Variants in RBFOX1 observed in about 807,000 individuals in gnomAD.
The protein encoded by RBFOX1 is RNA binding protein fox-1 homolog 1.
Under a neutral mutation model 57.7 loss-of-function variants are expected in RBFOX1, and 8 were observed. That is an observed-to-expected ratio of 0.14 (90% confidence interval 0.08 to 0.25). The LOEUF is 0.25. Ranked by LOEUF, RBFOX1 falls within the 10% of genes least tolerant of loss-of-function variation. The pLI is 1.00. For synonymous variants in RBFOX1, 326 were observed against 222.4 expected (o/e 1.47, Z -4.15); for missense variants, 611 against 548.5 (o/e 1.11, Z -1.14).
intron 4 of RBFOX1, among the ~76,000 whole-genome samples, chr16:7,097,889 G>C (rs1230675899): frequency 6.6e-6 from 1 of 152,184 alleles, no homozygotes; most frequent in African/African-American, 2.4e-5. Flanking sequence ...ATAAATCATA[G>C]TGCCTCACAC....
At chr16:6,354,126 G>C (rs984565131) in intron 2 of RBFOX1, among the ~76,000 whole-genome samples, 1 of 151,978 alleles carries the variant, frequency 6.6e-6, no homozygotes, top group Non-Finnish European at 1.5e-5. Flanking sequence ...AGGCTGAGGT[G>C]GGAGGATCGC....
chr16:6,642,058 G>C (rs1388313258), intron 2 of RBFOX1, among the ~76,000 whole-genome samples: 1 of 152,198 alleles, frequency 6.6e-6, no homozygotes, highest in Non-Finnish European at 1.5e-5. Flanking sequence ...TTTGCATGCT[G>C]TCTGAGGGTG....
At chr16:6,882,632 C>CTTT in intron 3 of RBFOX1, among the ~76,000 whole-genome samples, 1 of 152,084 alleles carries the variant, frequency 6.6e-6, no homozygotes, top group Non-Finnish European at 1.5e-5. Flanking sequence ...ATCATGTTTG[C>CTTT]AGAGTCCTCA....
At chr16:6,135,216 A>G (rs186349190) in intron 1 of RBFOX1, among the ~76,000 whole-genome samples, 7 of 152,346 alleles carry the variant, frequency 4.6e-5, no homozygotes, top group Admixed American at 3.9e-4. Context: ...ACAGCAAAAT[A>G]TAGATGGCAT....
At chr16:5,436,945 G>C (rs1177661114) in intron 1 of RBFOX1, among the ~76,000 whole-genome samples, 5 of 152,176 alleles carry the variant, frequency 3.3e-5, no homozygotes, top group African/African-American at 4.8e-5. Context: ...CCCCCATAGA[G>C]AGAGGTTTCC....
chr16:6,940,984 G>T lies in RBFOX1; in HGVS notation c.-15-111073G>T, dbSNP rs957269187. On this transcript the variant is annotated intron_variant, in intron 3 of 15. Transcript: ENST00000550418. ...GGCCTCTCAAAGTGCTGGGATTACA[G>T]GCATGAGCCACCACACCCGGCCCCC... Among the ~76,000 whole-genome samples, 371 of 152,064 alleles carry T rather than the reference G, an allele frequency of 2.4e-3. 5 individuals are homozygous for T. The highest frequency in any genetic ancestry group is 6.5e-4 in the Non-Finnish European group (44 of 67,994).
chr16:7,423,716 C>A (rs2098571848), intron 4 of RBFOX1, among the ~76,000 whole-genome samples: 1 of 152,094 alleles, frequency 6.6e-6, no homozygotes, highest in Non-Finnish European at 1.5e-5. Flanking sequence ...GGAGGCTGGG[C>A]CACTTTCTTT....
chr16:7,171,132 C>T (rs537991368), intron 4 of RBFOX1, among the ~76,000 whole-genome samples: 100 of 152,360 alleles, frequency 6.6e-4, no homozygotes, highest in African/African-American at 2.2e-3. Context: ...CTTGGGCACT[C>T]TCAAGGCCTT....
chr16:6,924,643 A>G (rs1465906627), intron 3 of RBFOX1, among the ~76,000 whole-genome samples: 1 of 151,900 alleles, frequency 6.6e-6, no homozygotes, highest in Non-Finnish European at 1.5e-5. Flanking sequence ...TCTTGTCCTT[A>G]CTGTGATAAA....
At chr16:6,239,270 G>A (rs374480559) in intron 1 of RBFOX1, among the ~76,000 whole-genome samples, 8 of 151,898 alleles carry the variant, frequency 5.3e-5, no homozygotes, top group African/African-American at 1.9e-4. Context: ...ATCTCCCCTC[G>A]CAGACTTGAG....
At chr16:6,286,994 G>T (rs145395387) in intron 1 of RBFOX1, among the ~76,000 whole-genome samples, 2 of 152,162 alleles carry the variant, frequency 1.3e-5, no homozygotes, top group East Asian at 3.9e-4. Context: ...AATTAGTTGG[G>T]GTTTTAGGTG....
intron 4 of RBFOX1, among the ~76,000 whole-genome samples, chr16:7,091,889 T>C (rs1251714980): frequency 6.6e-6 from 1 of 152,236 alleles, no homozygotes; most frequent in Non-Finnish European, 1.5e-5. Flanking sequence ...AGAGTTGCTT[T>C]ATTGTCTTGG....
At position 7,574,387 on chromosome 16, in the gene RBFOX1, AG is replaced by A. The variant is rs2093104457; in HGVS notation, c.271-5388del. ...AGGAGTATTGACTCACACGATCACA[AG>A]GTGAAGTCCCACAATAGGCCCTCTG... is the stretch of plus-strand genomic sequence containing the variant. On this transcript the variant is annotated intron_variant, in intron 5 of 15. Transcript: ENST00000550418. 5.3e-5 allele frequency among the ~76,000 whole-genome samples: 8 copies of A among 152,336 alleles called. No individual in the cohort carries two copies. The South Asian group carries it at 1.7e-3, about 32-fold the overall frequency.
At chr16:7,355,901 C>T (rs747909557) in intron 4 of RBFOX1, among the ~76,000 whole-genome samples, 4 of 152,156 alleles carry the variant, frequency 2.6e-5, no homozygotes, top group East Asian at 3.9e-4. Context: ...CTGCTGACAG[C>T]CAAAGGCAAT....
At chr16:7,297,174 T>C (rs2095911885) in intron 4 of RBFOX1, among the ~76,000 whole-genome samples, 1 of 152,158 alleles carries the variant, frequency 6.6e-6, no homozygotes, top group African/African-American at 2.4e-5. Flanking sequence ...GGAAGGCAGT[T>C]TGGGCCATGG....
At chr16:7,320,435 T>A (rs1047043893) in intron 4 of RBFOX1, among the ~76,000 whole-genome samples, 14 of 152,204 alleles carry the variant, frequency 9.2e-5, no homozygotes, top group African/African-American at 3.4e-4. Flanking sequence ...TGCATAGTAT[T>A]CCATGGTGGG....
In RBFOX1 at chr16:6,819,730, AATAACAAC is replaced by A. The variant is rs1567396728; in HGVS notation, c.-16+165082_-16+165089del. On this transcript the variant is annotated intron_variant, in intron 3 of 15. Coordinates refer to ENST00000550418, the MANE Select transcript of RBFOX1 (RefSeq NM_018723.4). ...CAAAAAAAAAAAAAAAAAAAAAAAA[AATAACAAC>A]ACCAAAAGGTATATAGTATAACAGG... Among the ~76,000 whole-genome samples, 10 of 95,284 alleles carry A rather than the reference AATAACAAC, an allele frequency of 1.0e-4. 2 individuals carry two copies. The highest frequency in any genetic ancestry group is 3.5e-4 in the East Asian group (1 of 2,888). The allele number at this position is 95,284 out of a possible 152,430, so 62.5% of individuals were successfully genotyped here. A position where few individuals can be genotyped will look rare whatever the true frequency, so the allele number is the denominator to read the frequency against.
At chr16:6,126,189 C>G (rs4786825) in intron 1 of RBFOX1, among the ~76,000 whole-genome samples, 28 of 151,938 alleles carry the variant, frequency 1.8e-4, no homozygotes, top group Admixed American at 1.8e-3. Context: ...AGAATTACAC[C>G]AAAAAAGGAA....
At chr16:7,688,692 G>A (rs1438612154) in intron 14 of RBFOX1, among the ~76,000 whole-genome samples, 1 of 152,104 alleles carries the variant, frequency 6.6e-6, no homozygotes, top group African/African-American at 2.4e-5. Flanking sequence ...AGCTGAGGCA[G>A]ATAGAGTATA....
Sources: allele counts gnomAD v4.1 joint callset (sites outside exome capture counted in the v4.1 genomes callset), GRCh38; gene constraint gnomAD v4.1.1; transcripts MANE v1.5; gene names NCBI Gene and HGNC (gene_info 2026-07-23, HGNC 2026-07-21).